Variants in SH2B2 observed in about 807,000 individuals in gnomAD.
SH2B2 encodes SH2B adapter protein 2.
SH2B2 carries 37 observed loss-of-function variants against 35.7 expected under a neutral mutation model. The observed-to-expected ratio is 1.04, with a 90% CI of 0.80 to 1.36. The LOEUF (loss-of-function observed/expected upper bound fraction) is 1.36, where lower values mean the gene tolerates loss of function less well. Among genes scored for constraint, SH2B2 ranks in the 40% most tolerant of loss-of-function variants. SH2B2 has a pLI of 0.00. For synonymous variants in SH2B2, 383 were observed against 376.4 expected, an observed-to-expected ratio of 1.02 and a Z score of -0.20; for missense variants, 852 against 817.7, an observed-to-expected ratio of 1.04 and a Z score of -0.51.
At chr7:102,317,476 G>A (rs1793895323) in intron 7 of SH2B2, 81 bp downstream of exon 7, 2 of 1,311,092 alleles carry the variant, frequency 1.5e-6, no homozygotes. Flanking sequence ...TCCTGAGGCT[G>A]TGCCCTGGAA....
At chr7:102,309,188 T>C (rs1487375556) in intron 4 of SH2B2, 1 of 560,958 alleles carries the variant, frequency 1.8e-6, no homozygotes, top group Admixed American at 2.2e-5. Flanking sequence ...CTCAGAGCAC[T>C]GGGAGTTGGG....
At chr7:102,320,633 C>G in intron 8 of SH2B2, 131 bp downstream of exon 8, 1 of 1,224,814 alleles carries the variant, frequency 8.2e-7, no homozygotes, top group Non-Finnish European at 1.1e-6. Flanking sequence ...CCCTCCCACC[C>G]TAGCCTAGCC....
chr7:102,306,796 G>A lies in SH2B2; in HGVS notation c.805G>A (p.Glu269Lys), dbSNP rs2132985012. ...VRTTMPLEMP[E>K]KDNTFVLKVE... ...CACCACCATGCCCCTGGAAATGCCA[G>A]AGAAGGATAACACATTCGTCCTCAA... The change falls in exon 3 of 9, where the codon GAG (glutamate) becomes AAG (lysine). Residue 269 changes from glutamate to lysine, a missense_variant. Transcript: ENST00000444095. 1 of 1,594,024 alleles carries A rather than the reference G, an allele frequency of 6.3e-7. No homozygotes were observed. Among genetic ancestry groups the A allele is most frequent in the Non-Finnish European group, 8.5e-7 (1 of 1,170,566 alleles).
chr7:102,306,336 G>A (rs1314087796), intron 2 of SH2B2, among the ~76,000 whole-genome samples: 5 of 151,832 alleles, frequency 3.3e-5, no homozygotes, highest in East Asian at 1.9e-4. Flanking sequence ...TGATCCGCCC[G>A]CCTCGGCCTC....
chr7:102,317,248 A>G lies in SH2B2; in HGVS notation c.1248A>G (p.Pro416=), dbSNP rs782264863. The G allele has an allele frequency of 1.7e-5, 27 of 1,613,044 alleles. No homozygotes were observed. Among genetic ancestry groups the G allele is most frequent in the Non-Finnish European group, 5.1e-6 (6 of 1,179,604 alleles). ...AEPELELSDY[P]WFHGTLSRVK... The stretch of plus-strand genomic sequence containing the variant: ...CCGAGCTGGAGCTATCCGACTACCC[A>G]TGGTTCCACGGGACACTGTCCCGGG... Residue 416 remains proline (P), a synonymous_variant, in exon 7 of 9, where the codon CCA becomes CCG. Coordinates refer to ENST00000444095, the MANE Select transcript of SH2B2 (RefSeq NM_001359228.2).
Position 102,300,866 on chromosome 7 carries a change from G to T in SH2B2, c.316G>T (p.Ala106Ser). 1 of 1,462,950 alleles carries T rather than the reference G, an allele frequency of 6.8e-7. No homozygotes were observed. Among genetic ancestry groups the T allele is most frequent in the South Asian group, 1.4e-5 (1 of 72,876 alleles). 90.6% of individuals were successfully genotyped at this position (1,462,950 alleles called of 1,614,324 possible). Residue 106 changes from alanine to serine, a missense_variant, in exon 2 of 9, where the codon GCA becomes TCA. Physicochemically the swap from Ala to Ser is moderately conservative, Grantham distance 99. Around this residue, in one of 3 missense-constraint regions of SH2B2, gnomAD observed 294 missense variants for 286.6 expected, o/e 1.03. Transcript: ENST00000444095. ...GGAGCCGGAGCTCGCGGACACCTCT[G>T]CACTCAAGGCGGCGCCCTACGGCCA... ...AMEPELADTS[A>S]LKAAPYGHSR... is the part of the protein sequence containing the mutation.
At chr7:102,320,309 C>T (rs1193230035) in intron 7 of SH2B2, 22 bp from the exon 8 acceptor site, 1 of 1,599,752 alleles carries the variant, frequency 6.3e-7, no homozygotes, top group Non-Finnish European at 8.5e-7. Context: ...CTGCCCCTGA[C>T]CACACCCACC....
chr7:102,309,791 A>G (rs1030426943), intron 4 of SH2B2, among the ~76,000 whole-genome samples: 2 of 152,180 alleles, frequency 1.3e-5, no homozygotes, highest in African/African-American at 2.4e-5. Context: ...TAAAGAGTGG[A>G]CCAATGCCAG....
chr7:102,302,443 C>G (rs550865022), intron 2 of SH2B2, among the ~76,000 whole-genome samples: 1 of 152,392 alleles, frequency 6.6e-6, no homozygotes, highest in African/African-American at 2.4e-5. Flanking sequence ...CATTGTTGCT[C>G]ACTGGCATGC....
At position 102,320,397 on chromosome 7, in the gene SH2B2, C is replaced by T; in HGVS notation, c.1462C>T (p.Leu488Phe). The change falls in exon 8 of 9, where the codon CTT becomes TTT. Residue 488 changes from leucine to phenylalanine, a missense_variant. This residue lies in a region of SH2B2 where 556 missense variants were observed against 514.5 expected (regional missense o/e 1.08). Transcript: ENST00000444095. ...HVQHLWFQSV[L>F]DMLRHFHTHP... is the part of the protein sequence containing the mutation. ...ACAGCATCTGTGGTTCCAGTCTGTGCTTGACATGCTCCGCCACTTCCACAC... is the reference window on the plus strand; with the variant it reads ...ACAGCATCTGTGGTTCCAGTCTGTGTTTGACATGCTCCGCCACTTCCACAC... 6.2e-7 allele frequency: 1 copy of T among 1,613,618 alleles called. No homozygotes were observed.
At chr7:102,290,693 A>G (rs1554551646) in intron 1 of SH2B2, among the ~76,000 whole-genome samples, 2 of 152,152 alleles carry the variant, frequency 1.3e-5, no homozygotes, top group Admixed American at 6.5e-5. Context: ...CCATTTCTTC[A>G]TCTCTGCAAT....
intron 1 of SH2B2, among the ~76,000 whole-genome samples, chr7:102,294,179 C>T (rs1171022011): frequency 6.6e-6 from 1 of 152,116 alleles, no homozygotes; most frequent in Non-Finnish European, 1.5e-5. Context: ...AGGCGTGTGC[C>T]ACCACACCTG....
chr7:102,302,107 C>A (rs1016019883), intron 2 of SH2B2, among the ~76,000 whole-genome samples: 1 of 152,258 alleles, frequency 6.6e-6, no homozygotes, highest in Non-Finnish European at 1.5e-5. Context: ...GATCCTCCCC[C>A]ACCTTGGCCT....
chr7:102,309,395 C>G (rs1554555580), intron 4 of SH2B2: 2 of 297,082 alleles, frequency 6.7e-6, no homozygotes, highest in South Asian at 2.6e-5. Context: ...GGGTTTTGCT[C>G]TGTTGCCCAG....
rs1793892592 is a variant in SH2B2, at chr7:102,317,429, G to A, written c.1395+34G>A. 6.6e-6 allele frequency: 10 copies of A among 1,519,120 alleles called. No individual in the cohort carries two copies. The East Asian group carries it at 2.3e-4, about 35-fold the overall frequency. 94.1% of individuals were successfully genotyped at this position (1,519,120 alleles called of 1,614,324 possible). A position where few individuals can be genotyped will look rare whatever the true frequency, so the allele number is the denominator to read the frequency against. ...GTGGGGGGCGCCATGGGGGTGCAGT[G>A]GCCAGCCCTGAGGGAGAGGGGTCAT... On this transcript the variant is annotated intron_variant, in intron 7 of 8. Transcript: ENST00000444095.
At chr7:102,311,299 G>A (rs1346773021) in intron 4 of SH2B2, among the ~76,000 whole-genome samples, 2 of 150,360 alleles carry the variant, frequency 1.3e-5, no homozygotes, top group Non-Finnish European at 3.0e-5. Flanking sequence ...CCATCATCCA[G>A]GCTGGAATGT....
chr7:102,313,993 A>G (rs1462203812), intron 4 of SH2B2, among the ~76,000 whole-genome samples: 3 of 152,230 alleles, frequency 2.0e-5, no homozygotes, highest in Admixed American at 1.3e-4. Context: ...ACCTTGGGAA[A>G]AAGGGACTTT....
chr7:102,288,528 G>C (rs1280571880), intron 1 of SH2B2, among the ~76,000 whole-genome samples: 1 of 152,018 alleles, frequency 6.6e-6, no homozygotes, highest in Non-Finnish European at 1.5e-5. Context: ...TTTTACCCTT[G>C]TTGTGAAAAA....
At chr7:102,317,746 G>A (rs1213894848) in intron 7 of SH2B2, among the ~76,000 whole-genome samples, 1 of 152,090 alleles carries the variant, frequency 6.6e-6, no homozygotes, top group Non-Finnish European at 1.5e-5. Context: ...AGCTTCGGAG[G>A]GTCTCCACCC....
Sources: gnomAD v4.1 joint callset for allele counts (sites outside exome capture counted in the v4.1 genomes callset) on GRCh38, gnomAD v4.1.1 for gene constraint, gnomAD v4.1.1 regional missense constraint, MANE v1.5 for transcripts, NCBI Gene and HGNC (gene_info 2026-07-23, HGNC 2026-07-21) for gene names.